Variants in CD302 observed in about 807,000 individuals in gnomAD.
CD302 encodes CD302 molecule.
A neutral mutation model predicts 26.5 loss-of-function variants in CD302; 23 were observed. That is an observed-to-expected ratio of 0.87 (90% CI 0.62 to 1.23). CD302 has a LOEUF of 1.23. Ranked by LOEUF, CD302 falls within the 50% of genes most tolerant of loss-of-function variation. The pLI, the probability that CD302 is intolerant of heterozygous loss-of-function variation, is 0.00. For synonymous variants in CD302, 90 were observed against 99.4 expected (o/e 0.91, Z 0.56); for missense variants, 290 against 275.5 (o/e 1.05, Z -0.37).
intron 4 of CD302, among the ~76,000 whole-genome samples, chr2:159,778,711 CTT>C (rs1164213844): frequency 1.3e-5 from 2 of 152,082 alleles, no homozygotes; most frequent in East Asian, 1.9e-4. Flanking sequence ...AAACTAAAAA[CTT>C]TTTTTGTAGA....
intron 4 of CD302, among the ~76,000 whole-genome samples, chr2:159,778,499 AAACT>A (rs1708406251): frequency 6.6e-6 from 1 of 152,216 alleles, no homozygotes; most frequent in Non-Finnish European, 1.5e-5. Context: ...AATCACTGTA[AAACT>A]AACAGTAGTC....
Position 159,773,001 on chromosome 2 carries a change from T to C in CD302, c.497-948A>G, listed in dbSNP as rs576786458. ...GATTTGGTAAGGTGTGAGGGTGGATTTGGTGGTGGTATTATTAAAGACATT... is the reference window on the plus strand; with the variant it reads ...GATTTGGTAAGGTGTGAGGGTGGATCTGGTGGTGGTATTATTAAAGACATT... On this transcript the variant is annotated intron_variant, in intron 5 of 5. Transcript: ENST00000259053. 2.0e-5 allele frequency among the ~76,000 whole-genome samples: 3 copies of C among 152,088 alleles called. No homozygotes were observed. The South Asian group carries it at 6.2e-4, about 32-fold the overall frequency.
In CD302 at chr2:159,771,098, T is replaced by C. The variant is rs990549111; in HGVS notation, c.*753A>G. The C allele has an allele frequency of 1.3e-5, 2 of 152,168 alleles. No individual in the cohort carries two copies. The highest frequency in any genetic ancestry group is 1.3e-4 in the Admixed American group (2 of 15,276). 9.4% of individuals were successfully genotyped at this position (152,168 alleles called of 1,614,324 possible). ...TTTTCATGTCATTGAAGGAAAAATT[T>C]ATAAATGCTTGAGGAGAATGAGATA... On this transcript the variant is annotated 3_prime_UTR_variant, in exon 6 of 6. Transcript: ENST00000259053.
At chr2:159,796,501 T>A (rs1434047058) in intron 1 of CD302, among the ~76,000 whole-genome samples, 3 of 152,210 alleles carry the variant, frequency 2.0e-5, no homozygotes, top group Non-Finnish European at 4.4e-5. Flanking sequence ...ATGCTCCCAA[T>A]AGCCCCATGA....
In CD302 at chr2:159,783,431, AAC is replaced by A. The variant is rs1316744124; in HGVS notation, c.104_105del (p.Ser35MetfsTer23). On this transcript the variant is annotated frameshift_variant, in exon 2 of 6. Coordinates refer to ENST00000259053, the MANE Select transcript of CD302 (RefSeq NM_014880.5). LOFTEE classifies it high-confidence loss of function. ...ATGGCTTCTTGGAGAAAAATGTAAC[AAC>A]TGTCTTGGAACTGAATCCAAGTAGA... Reference protein sequence around the residue: ...PSSTWIQFQDSCYIFLQEAIK... With the variant: ...PSSTWIQFQDXCYIFLQEAIK... 1.8e-5 allele frequency: 29 copies of A among 1,612,656 alleles called. No individual in the cohort carries two copies. Among genetic ancestry groups the A allele is most frequent in the Non-Finnish European group, 2.5e-5 (29 of 1,179,644 alleles).
At position 159,780,935 on chromosome 2, in the gene CD302, T is replaced by G; in HGVS notation, c.242A>C (p.Lys81Thr). ...GATATCATCTGGGCCTTTCCATTGC[T>G]TTTTCAAAGTATCCAGTATAAAAGC... The part of the protein sequence containing the change: ...ENAFILDTLK[K>T]QWKGPDDILL... The change falls in exon 3 of 6, where the codon AAG becomes ACG. Residue 81 changes from lysine to threonine, a missense_variant. Physicochemically the swap from Lys to Thr is moderately conservative, Grantham distance 78. Coordinates refer to ENST00000259053, the MANE Select transcript of CD302 (RefSeq NM_014880.5). The G allele has an allele frequency of 6.2e-7, 1 of 1,613,722 alleles. No homozygotes were observed. Among genetic ancestry groups the G allele is most frequent in the Non-Finnish European group, 8.5e-7 (1 of 1,179,928 alleles).
chr2:159,783,521 A>G, intron 1 of CD302, 52 bp from the exon 2 acceptor site: 1 of 1,406,988 alleles, frequency 7.1e-7, no homozygotes, highest in Non-Finnish European at 9.7e-7. Flanking sequence ...AAAGAATTAC[A>G]TGAATTCCCA....
At chr2:159,796,791 G>C (rs765276644) in intron 1 of CD302, among the ~76,000 whole-genome samples, 4 of 152,128 alleles carry the variant, frequency 2.6e-5, no homozygotes, top group Non-Finnish European at 5.9e-5. Context: ...CCAAAATCTA[G>C]AAACTGATTT....
intron 5 of CD302, among the ~76,000 whole-genome samples, chr2:159,776,123 G>C (rs1708316026): frequency 6.7e-6 from 1 of 148,608 alleles, no homozygotes; most frequent in Non-Finnish European, 1.5e-5. Flanking sequence ...AAAGTGCTGG[G>C]ATTACAGGCG....
chr2:159,788,500 A>G (rs1262149861), intron 1 of CD302, among the ~76,000 whole-genome samples: 2 of 152,220 alleles, frequency 1.3e-5, no homozygotes, highest in Non-Finnish European at 2.9e-5. Context: ...CACAATGACA[A>G]AATTGCCTAA....
At chr2:159,776,145 G>A (rs147281552) in intron 5 of CD302, among the ~76,000 whole-genome samples, 204 of 151,474 alleles carry the variant, frequency 1.3e-3, no homozygotes, top group African/African-American at 4.5e-3. Context: ...GAGCCACTGC[G>A]CCCGGCCTGT....
intron 1 of CD302, among the ~76,000 whole-genome samples, chr2:159,797,225 G>GGC (rs1271777933): frequency 7.4e-6 from 1 of 135,120 alleles, no homozygotes; most frequent in Non-Finnish European, 1.6e-5. Flanking sequence ...CAAGGGGTGG[G>GGC]GGGGGGGAAT....
chr2:159,789,695 G>C (rs1254592605), intron 1 of CD302, among the ~76,000 whole-genome samples: 1 of 152,166 alleles, frequency 6.6e-6, no homozygotes, highest in Non-Finnish European at 1.5e-5. Flanking sequence ...ATGTGAAGAG[G>C]TGTTCTAGAC....
rs546641272 is a variant in CD302 at position 159,769,219 on chromosome 2, G to A, written c.*2632C>T. On this transcript the variant is annotated 3_prime_UTR_variant, in exon 6 of 6. Coordinates refer to ENST00000259053, the MANE Select transcript of CD302 (RefSeq NM_014880.5). ...CCAAAGAATTATATTGTTATTACTA[G>A]CTAGAACCAAGATGTTGAAGAAAGC... 1 of 152,264 alleles carries A rather than the reference G, an allele frequency of 6.6e-6. No individual in the cohort carries two copies. Among genetic ancestry groups the A allele is most frequent in the South Asian group, 2.1e-4 (1 of 4,826 alleles). 9.4% of individuals were successfully genotyped at this position (152,264 alleles called of 1,614,324 possible).
At chr2:159,778,417 G>C (rs958028201) in intron 4 of CD302, among the ~76,000 whole-genome samples, 1 of 152,154 alleles carries the variant, frequency 6.6e-6, no homozygotes, top group Non-Finnish European at 1.5e-5. Flanking sequence ...AACCTGAAAA[G>C]AACCAATTTT....
chr2:159,784,602 C>T (rs923778709), intron 1 of CD302, among the ~76,000 whole-genome samples: 2 of 151,982 alleles, frequency 1.3e-5, no homozygotes, highest in Admixed American at 6.6e-5. Context: ...GCGATCCACC[C>T]GCCTTGGTCT....
At chr2:159,774,387 TTATC>T (rs1400859640) in intron 5 of CD302, among the ~76,000 whole-genome samples, 4 of 152,316 alleles carry the variant, frequency 2.6e-5, no homozygotes, top group South Asian at 2.1e-4. Context: ...TGTTTCCTAT[TTATC>T]TATCTGACTG....
At chr2:159,781,330 C>A (rs1232518697) in intron 2 of CD302, 1 of 174,328 alleles carries the variant, frequency 5.7e-6, no homozygotes, top group African/African-American at 2.4e-5. Context: ...GGGTGGATCA[C>A]CTGAGGTCAG....
At chr2:159,778,041 C>A (rs1560043080) in intron 4 of CD302, 77 bp from the exon 5 acceptor site, 1 of 567,954 alleles carries the variant, frequency 1.8e-6, no homozygotes, top group South Asian at 2.7e-5. Flanking sequence ...TGTTCACAAT[C>A]ATTAAAAATA....
Sources: allele counts gnomAD v4.1 joint callset (sites outside exome capture counted in the v4.1 genomes callset), GRCh38; gene constraint gnomAD v4.1.1; transcripts MANE v1.5; gene names NCBI Gene and HGNC (gene_info 2026-07-23, HGNC 2026-07-21).